CSMD3: variants seen among roughly 807,000 people sequenced by gnomAD.
The protein encoded by CSMD3 is CUB and sushi domain-containing protein 3.
A neutral mutation model predicts 435.2 loss-of-function variants in CSMD3; 177 were observed. That is an observed-to-expected ratio of 0.41 (90% CI 0.36 to 0.46). The LOEUF is 0.46. Among genes scored for constraint, CSMD3 ranks in the 20% least tolerant of loss-of-function variants. The probability of loss-of-function intolerance (pLI) is 0.34; values close to 1 mark genes in which losing one functional copy is unlikely to be tolerated. For synonymous variants in CSMD3, 1,656 were observed against 1,520.5 expected (o/e 1.09, Z -2.07); for missense variants, 4,265 against 4,504.6 (o/e 0.95, Z 1.52).
At chr8:113,129,891 G>A (rs2091241030) in intron 4 of CSMD3, among the ~76,000 whole-genome samples, 1 of 151,960 alleles carries the variant, frequency 6.6e-6, no homozygotes, top group Non-Finnish European at 1.5e-5. Context: ...GAAGGATACA[G>A]CCAGTAATTT....
intron 3 of CSMD3, among the ~76,000 whole-genome samples, chr8:113,236,516 C>T (rs568027898): frequency 2.0e-5 from 3 of 152,042 alleles, no homozygotes; most frequent in Non-Finnish European, 2.9e-5. Flanking sequence ...CTCTCTGTCT[C>T]TCTCTATCTC....
intron 38 of CSMD3, among the ~76,000 whole-genome samples, chr8:112,361,237 AT>A (rs1437509724): frequency 6.6e-5 from 10 of 151,888 alleles, no homozygotes; most frequent in South Asian, 2.1e-4. Flanking sequence ...CTGATTAAAT[AT>A]TTTTTAATGG....
At chr8:112,316,414 G>C (rs574534598) in intron 47 of CSMD3, among the ~76,000 whole-genome samples, 1 of 151,600 alleles carries the variant, frequency 6.6e-6, no homozygotes, top group East Asian at 1.9e-4. Flanking sequence ...GATTGGAAAT[G>C]ATATGGAATA....
At chr8:113,117,912 A>G (rs901941948) in intron 4 of CSMD3, among the ~76,000 whole-genome samples, 6 of 152,116 alleles carry the variant, frequency 3.9e-5, no homozygotes, top group African/African-American at 1.4e-4. Flanking sequence ...CTATATCCCC[A>G]TTGTATAATA....
At chr8:112,380,188 T>G (rs1025123669) in intron 38 of CSMD3, among the ~76,000 whole-genome samples, 164 bp downstream of exon 38, 4 of 152,224 alleles carry the variant, frequency 2.6e-5, no homozygotes, top group African/African-American at 9.6e-5. Context: ...ACTTTATTCA[T>G]GTAATTTTGC....
At chr8:113,263,918 T>C (rs932055673) in intron 3 of CSMD3, among the ~76,000 whole-genome samples, 15 of 151,760 alleles carry the variant, frequency 9.9e-5, no homozygotes, top group African/African-American at 3.1e-4. Context: ...CTGAAAATTT[T>C]ATCTAGCATA....
At chr8:112,887,918 A>T (rs2081657287) in intron 10 of CSMD3, among the ~76,000 whole-genome samples, 1 of 151,708 alleles carries the variant, frequency 6.6e-6, no homozygotes, top group Non-Finnish European at 1.5e-5. Flanking sequence ...TGTTTACATA[A>T]TGCCTTCCTG....
intron 64 of CSMD3, 63 bp from the exon 65 acceptor site, chr8:112,244,636 G>C (rs28369252): frequency 0.04 from 51,932 of 1,290,164 alleles, 1,214 homozygotes; most frequent in Non-Finnish European, 0.047. Context: ...ATTTGAGACA[G>C]GAGTCACAAT....
chr8:112,552,434 C>T (rs1003441560), intron 26 of CSMD3, among the ~76,000 whole-genome samples, 160 bp downstream of exon 26: 2 of 151,936 alleles, frequency 1.3e-5, no homozygotes, highest in African/African-American at 4.8e-5. Flanking sequence ...TGCAGTGAGC[C>T]GAGATCGAGC....
At chr8:112,338,174 C>A (rs1015414774) in intron 42 of CSMD3, among the ~76,000 whole-genome samples, 2 of 152,098 alleles carry the variant, frequency 1.3e-5, no homozygotes, top group African/African-American at 4.8e-5. Flanking sequence ...TGTTTTTCTA[C>A]AGATCACAAT....
Position 113,243,926 on chromosome 8 carries a change from A to T in CSMD3, c.514+34666T>A, listed in dbSNP as rs139972336. Among the ~76,000 whole-genome samples the T allele has an allele frequency of 8.3e-3, 1,263 of 152,110 alleles. 18 individuals are homozygous for T. The highest frequency in any genetic ancestry group is 0.029 in the African/African-American group (1,183 of 41,502). ...CTTTTTTGTAGAATGGGTATTGAAA[A>T]CTTTGCCCATATTTAAACTGATTTA... is the stretch of plus-strand genomic sequence containing the variant. On this transcript the variant is annotated intron_variant, in intron 3 of 70. Coordinates refer to ENST00000297405, the MANE Select transcript of CSMD3 (RefSeq NM_198123.2).
At chr8:112,749,011 T>A (rs2077505746) in intron 13 of CSMD3, among the ~76,000 whole-genome samples, 1 of 152,198 alleles carries the variant, frequency 6.6e-6, no homozygotes, top group Non-Finnish European at 1.5e-5. Context: ...TTTTACTTTT[T>A]GACTTTTTAA....
intron 5 of CSMD3, among the ~76,000 whole-genome samples, chr8:113,091,029 T>C (rs1385508769): frequency 6.6e-6 from 1 of 152,100 alleles, no homozygotes; most frequent in Non-Finnish European, 1.5e-5. Flanking sequence ...TAAACTTAAA[T>C]GAGATATATC....
At chr8:112,933,554 G>A (rs564456253) in intron 9 of CSMD3, among the ~76,000 whole-genome samples, 2 of 152,184 alleles carry the variant, frequency 1.3e-5, no homozygotes, top group East Asian at 3.9e-4. Flanking sequence ...GCAATGGAGT[G>A]CATCACACTC....
chr8:112,269,173 T>C (rs2130452528), intron 59 of CSMD3, among the ~76,000 whole-genome samples: 1 of 152,316 alleles, frequency 6.6e-6, no homozygotes, highest in South Asian at 2.1e-4. Context: ...TTATCTGCGC[T>C]CAGTTTTATG....
chr8:113,066,232 G>A (rs755002582), intron 5 of CSMD3, among the ~76,000 whole-genome samples: 1 of 151,768 alleles, frequency 6.6e-6, no homozygotes, highest in Non-Finnish European at 1.5e-5. Flanking sequence ...GATAAAATAG[G>A]TCTAAATTTG....
chr8:113,394,818 G>C (rs1055465025), intron 1 of CSMD3, among the ~76,000 whole-genome samples: 2 of 152,072 alleles, frequency 1.3e-5, no homozygotes, highest in African/African-American at 4.8e-5. Flanking sequence ...ATTTAACTAT[G>C]TTAAGCACTA....
chr8:112,711,586 T>C (rs1348603203), intron 13 of CSMD3, among the ~76,000 whole-genome samples: 1 of 152,198 alleles, frequency 6.6e-6, no homozygotes, highest in Non-Finnish European at 1.5e-5. Flanking sequence ...AACTCAAAGC[T>C]AGGCTTCATT....
At chr8:112,822,571 C>G (rs1049222489) in intron 12 of CSMD3, among the ~76,000 whole-genome samples, 1 of 152,058 alleles carries the variant, frequency 6.6e-6, no homozygotes, top group South Asian at 2.1e-4. Flanking sequence ...ATGGGGTTTT[C>G]TAAATATAGA....
Sources: allele counts gnomAD v4.1 joint callset (sites outside exome capture counted in the v4.1 genomes callset), GRCh38; gene constraint gnomAD v4.1.1; transcripts MANE v1.5; gene names NCBI Gene and HGNC (gene_info 2026-07-23, HGNC 2026-07-21).